The following ETV3 variants were observed in gnomAD, a reference collection of about 807,000 sequenced individuals.
The protein encoded by ETV3 is ETS translocation variant 3.
In ETV3, 8 loss-of-function variants were observed where a neutral mutation model predicts 33.0. The ratio of observed to expected loss-of-function variants is 0.24; its 90% CI spans 0.14 to 0.44. The LOEUF is 0.44. Ranked by LOEUF, ETV3 falls within the 20% of genes least tolerant of loss-of-function variation. ETV3 has a pLI of 1.00. For synonymous variants in ETV3, 222 were observed against 238.9 expected, an observed-to-expected ratio of 0.93 and a Z score of 0.65; for missense variants, 473 against 652.3, an observed-to-expected ratio of 0.73 and a Z score of 2.99.
At chr1:157,131,005 G>T (rs910344253) in intron 4 of ETV3, among the ~76,000 whole-genome samples, 3 of 152,122 alleles carry the variant, frequency 2.0e-5, no homozygotes, top group African/African-American at 7.2e-5. Flanking sequence ...AATCTCAAAA[G>T]ATTTAAAAAG....
intron 1 of ETV3, among the ~76,000 whole-genome samples, chr1:157,137,508 A>AC (rs1376882768): frequency 4.0e-4 from 42 of 104,262 alleles, no homozygotes; most frequent in African/African-American, 1.6e-3. Flanking sequence ...AGACAAGGAA[A>AC]AACACACACA....
In ETV3 at chr1:157,125,023, C is replaced by A; in HGVS notation, c.1357G>T (p.Asp453Tyr). ...GCACTGGGCTCTTTGCCAGGCCTAT[C>A]CTCACTGTCTTCAGTCACCTCCAGA... ...EPLEVTEDSE[D>Y]RPGKEPSAPE... The change falls in exon 5 of 5, where the codon GAT (aspartate) becomes TAT (tyrosine). Residue 453 changes from aspartate to tyrosine, a missense_variant. Asp to Tyr is a radical substitution (Grantham distance 160). Transcript: ENST00000368192. The surrounding 1 kb of genome is among the most constrained non-coding windows in gnomAD (Gnocchi z 4.0). 1 of 1,551,468 alleles carries A rather than the reference C, an allele frequency of 6.4e-7. No homozygotes were observed. Among genetic ancestry groups the A allele is most frequent in the South Asian group, 1.2e-5 (1 of 83,994 alleles).
chr1:157,135,596 G>A lies in ETV3; in HGVS notation c.159C>T (p.Val53=), dbSNP rs1189040239. 5.0e-6 allele frequency: 8 copies of A among 1,614,144 alleles called. No homozygotes were observed. Among genetic ancestry groups the A allele is most frequent in the Non-Finnish European group, 6.8e-6 (8 of 1,179,986 alleles). ...ELLQKEEFRH[V]IAWQQGEYGE... ...CGTACTCTCCCTGCTGCCAGGCGAT[G>A]ACATGGCGGAACTCTTCCTTCTGCA... Residue 53 remains valine, a synonymous_variant, in exon 3 of 5, where the codon GTC becomes GTT. Transcript: ENST00000368192.
chr1:157,127,363 T>G (rs534902321), intron 4 of ETV3, among the ~76,000 whole-genome samples: 1 of 152,236 alleles, frequency 6.6e-6, no homozygotes, highest in Non-Finnish European at 1.5e-5. Context: ...CAAATATTTT[T>G]CAATCTCTCC....
intron 4 of ETV3, among the ~76,000 whole-genome samples, 199 bp from the exon 5 acceptor site, chr1:157,126,178 C>T (rs1314163728): frequency 1.3e-5 from 2 of 152,212 alleles, no homozygotes; most frequent in African/African-American, 2.4e-5. Context: ...CTAGGCTCTT[C>T]ACTGTCTTCA....
rs1373124688 is a variant in ETV3 at position 157,125,179 on chromosome 1, C to T, written c.1201G>A (p.Glu401Lys). 5 of 1,551,990 alleles carry T rather than the reference C, an allele frequency of 3.2e-6. No homozygotes were observed. Among genetic ancestry groups the T allele is most frequent in the Non-Finnish European group, 4.4e-6 (5 of 1,147,076 alleles). ...GTGCCCTCTTCTTGAGTGTGCTCCT[C>T]CTTCTCTCGTGCCGACTGCCTGAGG... ...ESLRQSAREK[E>K]EHTQEEGTVP... The change falls in exon 5 of 5, where the codon GAG becomes AAG. Residue 401 changes from glutamate (E) to lysine (K), a missense_variant. Physicochemically the swap from Glu to Lys is moderately conservative, Grantham distance 56. Coordinates refer to ENST00000368192, the MANE Select transcript of ETV3 (RefSeq NM_001145312.3). The surrounding 1 kb of genome is among the most constrained non-coding windows in gnomAD (Gnocchi z 4.0).
intron 3 of ETV3, 151 bp from the exon 4 acceptor site, chr1:157,134,378 C>A: frequency 2.0e-6 from 2 of 986,594 alleles, no homozygotes; most frequent in South Asian, 1.9e-5. Flanking sequence ...CCAGGTAGAT[C>A]TAGGAGACCT....
rs1331961562 is a variant in ETV3 at position 157,138,071 on chromosome 1, G to A, written c.-14+245C>T. Among the ~76,000 whole-genome samples the A allele has an allele frequency of 6.6e-5, 10 of 152,268 alleles. No homozygotes were observed. The East Asian group carries it at 1.9e-3, about 30-fold the overall frequency. On this transcript the variant is annotated intron_variant, in intron 1 of 4. Transcript: ENST00000368192. ...AGAACCTCCTTGCCATTCACCTCCC[G>A]GGCCGGGCTTCCCTTAACCGTGGCC...
chr1:157,125,606 G>C lies in ETV3; in HGVS notation c.774C>G (p.Val258=), dbSNP rs747840710. ...GGGCTGGTGAAATGGGGACATTAAG[G>C]ACACCTCCGCGGCCAGGGATTGGAG... ...AVSPIPGRGG[V]LNVPISPALS... is the part of the protein sequence containing the mutation. The change falls in exon 5 of 5, where the codon GTC becomes GTG. Residue 258 remains valine, a synonymous_variant. Coordinates refer to ENST00000368192, the MANE Select transcript of ETV3 (RefSeq NM_001145312.3). The surrounding 1 kb of genome is among the most constrained non-coding windows in gnomAD (Gnocchi z 4.0). The C allele has an allele frequency of 1.3e-6, 2 of 1,551,774 alleles. No individual in the cohort carries two copies. Among genetic ancestry groups the C allele is most frequent in the Middle Eastern group, 1.7e-4 (1 of 5,992 alleles).
rs1476895493 is a variant in ETV3 at position 157,124,931 on chromosome 1, G to T, written c.1449C>A (p.Asp483Glu). The T allele has an allele frequency of 1.3e-6, 2 of 1,551,600 alleles. No individual in the cohort carries two copies. The highest frequency in any genetic ancestry group is 1.2e-5 in the South Asian group (1 of 84,052). The change falls in exon 5 of 5, where the codon GAC becomes GAA. Residue 483 changes from aspartate to glutamate, a missense_variant. By Grantham distance (45) the Asp-to-Glu change is conservative. This residue lies in a region of ETV3 where 410 missense variants were observed against 520.2 expected (regional missense o/e 0.79). Transcript: ENST00000368192. ...KLRLKRRWNDDPEARELSKSG... is the reference protein window; with the variant it reads ...KLRLKRRWNDEPEARELSKSG... ...TCTTGCTCAGCTCTCGGGCTTCAGG[G>T]TCATCATTCCAGCGCCGCTTCAACC... is the stretch of plus-strand genomic sequence containing the variant.
chr1:157,133,628 T>C (rs1675024786), intron 4 of ETV3: 2 of 987,470 alleles, frequency 2.0e-6, no homozygotes, highest in Non-Finnish European at 2.4e-6. Flanking sequence ...ACACTGCTTT[T>C]CACTGCAAAC....
At position 157,125,077 on chromosome 1, in the gene ETV3, C is replaced by A. The variant is rs939180582; in HGVS notation, c.1303G>T (p.Val435Leu). Residue 435 changes from valine to leucine, a missense_variant, in exon 5 of 5, where the codon GTG becomes TTG. By Grantham distance (32) the Val-to-Leu change is conservative. Coordinates refer to ENST00000368192, the MANE Select transcript of ETV3 (RefSeq NM_001145312.3). This position sits in a 1 kb window ranked among gnomAD's most constrained non-coding sequence, Gnocchi z 4.0. ...TCTCCACTTGGGGTGCTAATGGGCA[C>A]AGAGGGCCAGATGGGTGGTGCAGCA... ...RPAAPPIWPS[V>L]PISTPSGEPL... 1 of 1,546,582 alleles carries A rather than the reference C, an allele frequency of 6.5e-7. No individual in the cohort carries two copies.
intron 3 of ETV3, 34 bp from the exon 4 acceptor site, chr1:157,134,261 G>A: frequency 1.9e-6 from 3 of 1,601,660 alleles, no homozygotes; most frequent in Non-Finnish European, 1.7e-6. Flanking sequence ...CATTCGTCTT[G>A]TAGCTACTGA....
intron 4 of ETV3, chr1:157,128,506 A>G (rs1674894750): frequency 3.6e-6 from 1 of 274,788 alleles, no homozygotes; most frequent in Non-Finnish European, 7.4e-6. Context: ...GGATTCTCTT[A>G]CACAGATGCC....
chr1:157,132,629 G>A (rs1674994049), intron 4 of ETV3, among the ~76,000 whole-genome samples: 2 of 152,166 alleles, frequency 1.3e-5, no homozygotes, highest in Non-Finnish European at 2.9e-5. Flanking sequence ...AGGGGCAAGA[G>A]TGAGAAACAG....
intron 1 of ETV3, among the ~76,000 whole-genome samples, chr1:157,136,725 A>G (rs954889707): frequency 6.6e-6 from 1 of 152,216 alleles, no homozygotes; most frequent in African/African-American, 2.4e-5. Context: ...AACAAGTCAA[A>G]CAGTTTGTCT....
At position 157,122,050 on chromosome 1, in the gene ETV3, T is replaced by A. The variant is rs935531577; in HGVS notation, c.*2791A>T. 1 of 152,180 alleles carries A rather than the reference T, an allele frequency of 6.6e-6. No individual in the cohort carries two copies. Among genetic ancestry groups the A allele is most frequent in the Non-Finnish European group, 1.5e-5 (1 of 68,022 alleles). 9.4% of individuals were successfully genotyped at this position (152,180 alleles called of 1,614,324 possible). On this transcript the variant is annotated 3_prime_UTR_variant, in exon 5 of 5. Coordinates refer to ENST00000368192, the MANE Select transcript of ETV3 (RefSeq NM_001145312.3). ...CTTGATTAAGGAAATTTCAATAGAT[T>A]CATATTTATAAAATTTTAAACATTT... is the stretch of plus-strand genomic sequence containing the variant.
intron 2 of ETV3, 93 bp downstream of exon 2, chr1:157,136,214 G>T: frequency 8.4e-7 from 1 of 1,192,504 alleles, no homozygotes; most frequent in Non-Finnish European, 1.2e-6. Flanking sequence ...TGTCAGTCAT[G>T]GTCTGACATT....
chr1:157,129,492 A>C (rs1674921283), intron 4 of ETV3, among the ~76,000 whole-genome samples: 1 of 152,252 alleles, frequency 6.6e-6, no homozygotes. Context: ...AATATAAACA[A>C]ATTTAAAAAT....
Sources: gnomAD v4.1 joint callset for allele counts (sites outside exome capture counted in the v4.1 genomes callset) on GRCh38, gnomAD v4.1.1 for gene constraint, gnomAD v4.1.1 regional missense constraint, Gnocchi (gnomAD v3.1) non-coding constraint, MANE v1.5 for transcripts, NCBI Gene and HGNC (gene_info 2026-07-23, HGNC 2026-07-21) for gene names.